CAMTA1: variants seen among roughly 807,000 people sequenced by gnomAD.
The protein encoded by CAMTA1 is calmodulin-binding transcription activator 1.
CAMTA1 carries 27 observed loss-of-function variants against 170.9 expected under a neutral mutation model. The observed-to-expected ratio is 0.16, with a 90% CI of 0.12 to 0.22. The LOEUF is 0.22. Among genes scored for constraint, CAMTA1 ranks in the 10% least tolerant of loss-of-function variants. The probability of loss-of-function intolerance (pLI) is 1.00; values close to 1 mark genes in which losing one functional copy is unlikely to be tolerated. For synonymous variants in CAMTA1, 833 were observed against 891.5 expected (o/e 0.93, Z 1.17); for missense variants, 1,619 against 2,217.2 (o/e 0.73, Z 5.42).
chr1:7,677,831 G>T (rs1419823106), intron 11 of CAMTA1, 98 bp downstream of exon 11: 1 of 1,406,262 alleles, frequency 7.1e-7, no homozygotes, highest in African/African-American at 1.4e-5. Context: ...CACCCAGAAA[G>T]GGGCAGGAAG....
At position 7,768,589 on chromosome 1, in the gene CAMTA1, T is replaced by C. The variant is rs928174106; in HGVS notation, c.*2098T>C. 2.0e-5 allele frequency: 3 copies of C among 152,794 alleles called. No homozygotes were observed. Among genetic ancestry groups the C allele is most frequent in the Admixed American group, 6.5e-5 (1 of 15,286 alleles). The allele number at this position is 152,794 out of a possible 1,614,324, so 9.5% of individuals were successfully genotyped here. On this transcript the variant is annotated 3_prime_UTR_variant, in exon 23 of 23. Transcript: ENST00000303635. ...GTCAGTGCTCTTGGTGCCTTTTCTA[T>C]AATTGTACTTGTTTTTTAATTACTT...
intron 6 of CAMTA1, among the ~76,000 whole-genome samples, chr1:7,554,359 G>T (rs986444335): frequency 6.6e-6 from 1 of 152,104 alleles, no homozygotes; most frequent in African/African-American, 2.4e-5. Context: ...GCTGTTCTAG[G>T]TGTGAGGTTG....
At chr1:6,980,290 C>T (rs1557919704) in intron 3 of CAMTA1, among the ~76,000 whole-genome samples, 1 of 152,144 alleles carries the variant, frequency 6.6e-6, no homozygotes, top group African/African-American at 2.4e-5. Flanking sequence ...TCCTCTGTCT[C>T]CCTCCTTAGG....
chr1:6,977,104 T>C (rs773899612), intron 3 of CAMTA1, among the ~76,000 whole-genome samples: 3 of 152,118 alleles, frequency 2.0e-5, no homozygotes, highest in Non-Finnish European at 4.4e-5. Flanking sequence ...ATTAGCAGCG[T>C]CAGAACAGAC....
chr1:7,380,840 A>G (rs1316892887), intron 5 of CAMTA1, among the ~76,000 whole-genome samples: 1 of 152,226 alleles, frequency 6.6e-6, no homozygotes, highest in East Asian at 1.9e-4. Context: ...CTGGATTGCT[A>G]AGCAAAGCTG....
chr1:7,172,706 C>T (rs1372493713), intron 4 of CAMTA1, among the ~76,000 whole-genome samples: 2 of 152,230 alleles, frequency 1.3e-5, no homozygotes, highest in Non-Finnish European at 2.9e-5. Flanking sequence ...TGTTTTCATT[C>T]TTGCCAGGCT....
chr1:7,632,759 G>T (rs920023342), intron 6 of CAMTA1, among the ~76,000 whole-genome samples: 4 of 152,258 alleles, frequency 2.6e-5, no homozygotes, highest in South Asian at 4.1e-4. Flanking sequence ...GATCCCCAAG[G>T]CTCTTGCTGT....
At position 6,934,370 on chromosome 1, in the gene CAMTA1, C is replaced by G. The variant is rs1475159532; in HGVS notation, c.234+109160C>G. 1.3e-5 allele frequency among the ~76,000 whole-genome samples: 2 copies of G among 152,194 alleles called. No homozygotes were observed. The highest frequency in any genetic ancestry group is 2.9e-5 in the Non-Finnish European group (2 of 68,034). ...CCTCTTGTAAAAGAGGCACACACAG[C>G]CCTCCTGCTGTAATCTGCCCCATGT... On this transcript the variant is annotated intron_variant, in intron 3 of 22. Coordinates refer to ENST00000303635, the MANE Select transcript of CAMTA1 (RefSeq NM_015215.4). This position sits in a 1 kb window ranked among gnomAD's most constrained non-coding sequence, Gnocchi z 4.5.
chr1:7,722,805 G>A (rs2096658223), intron 11 of CAMTA1, among the ~76,000 whole-genome samples: 2 of 152,022 alleles, frequency 1.3e-5, no homozygotes, highest in South Asian at 4.2e-4. Context: ...AATGCCAGCT[G>A]GGCATGGTGG....
chr1:7,343,557 A>T (rs2083997524), intron 5 of CAMTA1, among the ~76,000 whole-genome samples: 1 of 152,180 alleles, frequency 6.6e-6, no homozygotes, highest in African/African-American at 2.4e-5. Context: ...TCTAACAAGG[A>T]ATGCCCATGA....
At chr1:7,398,552 C>G (rs2089627153) in intron 5 of CAMTA1, among the ~76,000 whole-genome samples, 1 of 151,918 alleles carries the variant, frequency 6.6e-6, no homozygotes, top group Non-Finnish European at 1.5e-5. Flanking sequence ...GTTTTCTTAT[C>G]CATTCAGCCA....
chr1:7,052,164 C>T (rs538157382), intron 3 of CAMTA1, among the ~76,000 whole-genome samples: 1 of 152,184 alleles, frequency 6.6e-6, no homozygotes, highest in South Asian at 2.1e-4. Context: ...GGCTGCTTCA[C>T]GCCCCACTGC....
intron 7 of CAMTA1, among the ~76,000 whole-genome samples, chr1:7,657,233 C>G (rs1406530113): frequency 6.6e-6 from 1 of 152,194 alleles, no homozygotes; most frequent in Non-Finnish European, 1.5e-5. Context: ...CCTGACCCAG[C>G]CTTCCTAGGG....
intron 5 of CAMTA1, among the ~76,000 whole-genome samples, chr1:7,358,372 T>C (rs1242855751): frequency 2.0e-5 from 3 of 152,238 alleles, no homozygotes; most frequent in Non-Finnish European, 1.5e-5. Context: ...AGTCAGAGCA[T>C]GTCAAGCTGC....
intron 3 of CAMTA1, among the ~76,000 whole-genome samples, chr1:7,087,534 C>T (rs1292740833): frequency 2.0e-5 from 3 of 152,180 alleles, no homozygotes; most frequent in African/African-American, 7.2e-5. Flanking sequence ...GTTCCTCACT[C>T]ATCCAAGCAC....
At chr1:6,808,013 C>A (rs749642926) in intron 1 of CAMTA1, among the ~76,000 whole-genome samples, 11 of 151,532 alleles carry the variant, frequency 7.3e-5, no homozygotes, top group Non-Finnish European at 1.5e-4. Context: ...GACCTGAAAT[C>A]ATTGACGGGC....
At chr1:7,520,218 T>TCTCC (rs2094343648) in intron 6 of CAMTA1, among the ~76,000 whole-genome samples, 1 of 202 alleles carries the variant, frequency 5.0e-3, no homozygotes, top group Non-Finnish European at 9.3e-3. Context: ...CTCCTCCTCC[T>TCTCC]CCTCCTCCTC....
chr1:7,107,764 G>A (rs1643758547), intron 4 of CAMTA1, among the ~76,000 whole-genome samples: 1 of 152,204 alleles, frequency 6.6e-6, no homozygotes, highest in Admixed American at 6.5e-5. Context: ...CATTTAGTGA[G>A]TGTCTAGATG....
At chr1:7,472,055 T>C (rs2093341850) in intron 6 of CAMTA1, among the ~76,000 whole-genome samples, 1 of 152,134 alleles carries the variant, frequency 6.6e-6, no homozygotes, top group Non-Finnish European at 1.5e-5. Context: ...GAAGCGGGGG[T>C]GTGTCCCCGC....
Sources: allele counts gnomAD v4.1 joint callset (sites outside exome capture counted in the v4.1 genomes callset), GRCh38; gene constraint gnomAD v4.1.1; non-coding constraint Gnocchi (gnomAD v3.1); transcripts MANE v1.5; gene names NCBI Gene and HGNC (gene_info 2026-07-23, HGNC 2026-07-21).